Variants in TRRAP observed in about 807,000 individuals in gnomAD.
TRRAP encodes the protein transformation/transcription domain associated protein.
A neutral mutation model predicts 438.8 loss-of-function variants in TRRAP; 41 were observed. The observed-to-expected ratio is 0.09, with a 90% CI of 0.07 to 0.12. TRRAP has a LOEUF of 0.12. Among genes scored for constraint, TRRAP ranks in the 10% least tolerant of loss-of-function variants. The pLI, the probability that TRRAP is intolerant of heterozygous loss-of-function variation, is 1.00. For synonymous variants in TRRAP, 1,994 were observed against 1,962.9 expected, an observed-to-expected ratio of 1.02 and a Z score of -0.42; for missense variants, 3,122 against 5,055.1, an observed-to-expected ratio of 0.62 and a Z score of 11.60.
In TRRAP at chr7:98,945,800, G is replaced by A. The variant is rs1391559001; in HGVS notation, c.4527G>A (p.Glu1509=). 1 of 1,598,076 alleles carries A rather than the reference G, an allele frequency of 6.3e-7. No individual in the cohort carries two copies. The highest frequency in any genetic ancestry group is 8.5e-7 in the Non-Finnish European group (1 of 1,179,684). Residue 1509 remains glutamate, a splice_region_variant and synonymous_variant, in exon 32 of 73, where the codon GAG becomes GAA. Transcript: ENST00000456197. ...RCPLSPFCQF[E]PAMEGVEEMK... The stretch of plus-strand genomic sequence containing the variant: ...CCTTGTCTCCATTCTGTCAGTTTGA[G>A]GTGAGAACAACCTATTAACAGTCAG...
chr7:98,909,113 T>A (rs1796933515), intron 14 of TRRAP, 151 bp downstream of exon 14: 1 of 735,138 alleles, frequency 1.4e-6, no homozygotes, highest in Non-Finnish European at 2.2e-6. Context: ...AACCTCTGCC[T>A]CCTGGGTTCA....
Position 98,921,946 on chromosome 7 carries a change from T to C in TRRAP, c.2816T>C (p.Met939Thr). 2 of 1,614,088 alleles carry C rather than the reference T, an allele frequency of 1.2e-6. No individual in the cohort carries two copies. Among genetic ancestry groups the C allele is most frequent in the Non-Finnish European group, 1.7e-6 (2 of 1,179,918 alleles). Residue 939 changes from methionine (M) to threonine (T), a missense_variant, in exon 21 of 73, where the codon ATG becomes ACG. Physicochemically the swap from Met to Thr is moderately conservative, Grantham distance 81. This residue lies in a region of TRRAP where 133 missense variants were observed against 188.6 expected (regional missense o/e 0.71). Coordinates refer to ENST00000456197, the MANE Select transcript of TRRAP (RefSeq NM_001375524.1). The part of the protein sequence containing the change: ...SDCKASLQLP[M>T]EKAIETALDC... ...TGCAAAGCTTCTCTCCAGCTCCCCA[T>C]GGAGAAGGTAAGCTCTGTGACAATG...
intron 12 of TRRAP, among the ~76,000 whole-genome samples, chr7:98,904,946 A>G (rs1796655348): frequency 1.3e-5 from 2 of 152,128 alleles, no homozygotes; most frequent in African/African-American, 2.4e-5. Context: ...TCAAGTGGTA[A>G]CTCATTTTCA....
In TRRAP at chr7:98,910,218, G is replaced by GTCCCC; in HGVS notation, c.1513_1514insTCCCC (p.Ala505ValfsTer17). On this transcript the variant is annotated frameshift_variant, in exon 15 of 73. Coordinates refer to ENST00000456197, the MANE Select transcript of TRRAP (RefSeq NM_001375524.1). LOFTEE classifies it high-confidence loss of function. ...TGCTCCCTCCCCAGCCCCTGTCCCT[G>GTCCCC]CCCCACCTCCACCCCCGCCCCCACC... 7.3e-7 allele frequency: 1 copy of GTCCCC among 1,377,630 alleles called. No individual in the cohort carries two copies. The highest frequency in any genetic ancestry group is 1.7e-5 in the South Asian group (1 of 59,006). 85.3% of individuals were successfully genotyped at this position (1,377,630 alleles called of 1,614,324 possible).
rs1337354810 is a variant in TRRAP, at chr7:98,917,568, G to C, written c.2511G>C (p.Gly837=). The C allele has an allele frequency of 6.2e-7, 1 of 1,614,196 alleles. No homozygotes were observed. The highest frequency in any genetic ancestry group is 1.6e-4 in the Middle Eastern group (1 of 6,062). ...LMDPLVSALN[G]SQTLVSQGLR... Reference sequence around the variant, plus strand: ...ATCCCTTGGTGTCTGCACTCAATGGGTCTCAGACATTGGTCAGCCAAGGCC... The same window carrying C: ...ATCCCTTGGTGTCTGCACTCAATGGCTCTCAGACATTGGTCAGCCAAGGCC... The change falls in exon 20 of 73, where the codon GGG becomes GGC. Residue 837 remains glycine, a synonymous_variant. Transcript: ENST00000456197.
chr7:98,881,320 C>G, intron 2 of TRRAP, 70 bp downstream of exon 2: 1 of 1,441,482 alleles, frequency 6.9e-7, no homozygotes. Flanking sequence ...CGTCTGTAAT[C>G]CCAGCACTTT....
chr7:98,959,616 TC>T, intron 45 of TRRAP, 126 bp downstream of exon 45: 4 of 1,393,160 alleles, frequency 2.9e-6, no homozygotes, highest in Non-Finnish European at 3.8e-6. Flanking sequence ...AAATCTCCTG[TC>T]CCCTTTGCCA....
At chr7:98,891,762 T>C (rs1471377259) in intron 4 of TRRAP, among the ~76,000 whole-genome samples, 1 of 148,822 alleles carries the variant, frequency 6.7e-6, no homozygotes, top group African/African-American at 2.5e-5. Flanking sequence ...ATGGTCTCGA[T>C]CTCCTGACCT....
chr7:98,931,048 A>G (rs893102237), intron 25 of TRRAP, among the ~76,000 whole-genome samples: 2 of 152,204 alleles, frequency 1.3e-5, no homozygotes, highest in African/African-American at 4.8e-5. Flanking sequence ...AAGAACAGTT[A>G]CAGGCCACAG....
intron 28 of TRRAP, among the ~76,000 whole-genome samples, chr7:98,936,428 T>C (rs1790560306): frequency 6.6e-6 from 1 of 152,224 alleles, no homozygotes; most frequent in Non-Finnish European, 1.5e-5. Context: ...AACTCTCCTG[T>C]GCCTCCTTCC....
Position 98,950,211 on chromosome 7 carries a change from T to C in TRRAP, c.5283T>C (p.Phe1761=), listed in dbSNP as rs1204002823. 4.3e-6 allele frequency: 7 copies of C among 1,614,256 alleles called. No individual in the cohort carries two copies. The highest frequency in any genetic ancestry group is 4.2e-6 in the Non-Finnish European group (5 of 1,180,042). The change falls in exon 38 of 73, where the codon TTT becomes TTC. Residue 1761 remains phenylalanine (F), a synonymous_variant. Transcript: ENST00000456197. ...YSIAQKRALF[F]RFVDFNDPNF... The stretch of plus-strand genomic sequence containing the variant: ...TCGCTCAGAAACGTGCCCTGTTCTT[T>C]CGCTTTGTAGACTTCAACGACCCCA...
chr7:98,881,140 C>T lies in TRRAP; in HGVS notation c.-11C>T, dbSNP rs373947053. ...CTTTTCTCTTGAGAAGCAAACCAGC[C>T]CAAAAGAAAAATGGCGTTTGTTGCA... On this transcript the variant is annotated 5_prime_UTR_variant, in exon 2 of 73. Coordinates refer to ENST00000456197, the MANE Select transcript of TRRAP (RefSeq NM_001375524.1). 6.3e-6 allele frequency: 10 copies of T among 1,599,242 alleles called. No homozygotes were observed.
intron 11 of TRRAP, among the ~76,000 whole-genome samples, chr7:98,900,961 C>A (rs1796443059): frequency 2.6e-5 from 4 of 152,228 alleles, no homozygotes; most frequent in Admixed American, 2.6e-4. Flanking sequence ...ATAGTTTTGT[C>A]CTTTCTAGAA....
At chr7:98,996,599 C>T (rs757090064) in intron 67 of TRRAP, among the ~76,000 whole-genome samples, 2 of 152,156 alleles carry the variant, frequency 1.3e-5, no homozygotes, top group Non-Finnish European at 2.9e-5. Flanking sequence ...AATTGTAGAA[C>T]AAATCATTTT....
At chr7:98,900,233 G>GGTGC (rs1796413858) in intron 10 of TRRAP, among the ~76,000 whole-genome samples, 2 of 151,982 alleles carry the variant, frequency 1.3e-5, no homozygotes, top group Admixed American at 1.3e-4. Context: ...GCACCCTCCT[G>GGTGC]ACTTGGAGCC....
intron 20 of TRRAP, among the ~76,000 whole-genome samples, chr7:98,920,059 C>T (rs1408028708): frequency 3.9e-5 from 6 of 152,086 alleles, no homozygotes; most frequent in African/African-American, 1.4e-4. Flanking sequence ...TTTGAATCTA[C>T]GGGAACGTAA....
At chr7:98,954,282 A>C (rs868981265) in intron 40 of TRRAP, among the ~76,000 whole-genome samples, 2 of 152,234 alleles carry the variant, frequency 1.3e-5, no homozygotes, top group Non-Finnish European at 2.9e-5. Flanking sequence ...CACACGGTCC[A>C]TGCCCTTTGG....
chr7:98,895,125 C>G (rs566110081), intron 6 of TRRAP, among the ~76,000 whole-genome samples: 47 of 152,250 alleles, frequency 3.1e-4, no homozygotes, highest in African/African-American at 1.1e-3. Context: ...AGGCTGGTCT[C>G]AAACTCCTGG....
rs782140772 is a variant in TRRAP, at chr7:98,912,098, A to G, written c.2084A>G (p.Asp695Gly). 1.2e-6 allele frequency: 2 copies of G among 1,614,136 alleles called. No homozygotes were observed. The highest frequency in any genetic ancestry group is 3.3e-5 in the Admixed American group (2 of 60,010). ...FATILVEYLL[D>G]RLPEMGSNVE... is the part of the protein sequence containing the mutation. Reference sequence around the variant, plus strand: ...ACGATTCTGGTGGAATATCTCCTTGATCGCCTGCCAGAAATGGGCTCCAAC... The same window carrying G: ...ACGATTCTGGTGGAATATCTCCTTGGTCGCCTGCCAGAAATGGGCTCCAAC... Residue 695 changes from aspartate to glycine, a missense_variant, in exon 18 of 73, where the codon GAT becomes GGT. By Grantham distance (94) the Asp-to-Gly change is moderately conservative. Around this residue, in one of 24 missense-constraint regions of TRRAP, gnomAD observed 149 missense variants for 302.8 expected, o/e 0.49. Transcript: ENST00000456197.
Sources: gnomAD v4.1 joint callset for allele counts (sites outside exome capture counted in the v4.1 genomes callset) on GRCh38, gnomAD v4.1.1 for gene constraint, gnomAD v4.1.1 regional missense constraint, MANE v1.5 for transcripts, NCBI Gene and HGNC (gene_info 2026-07-23, HGNC 2026-07-21) for gene names.